The following ENG variants were observed in gnomAD, a reference collection of about 807,000 sequenced individuals.
ENG encodes endoglin.
ENG carries 17 observed loss-of-function variants against 71.0 expected under a neutral mutation model. The observed-to-expected ratio is 0.24, with a 90% CI of 0.16 to 0.36. The LOEUF (loss-of-function observed/expected upper bound fraction) is 0.36, where lower values mean the gene tolerates loss of function less well. Among genes scored for constraint, ENG ranks in the 10% least tolerant of loss-of-function variants. The probability of loss-of-function intolerance (pLI) is 1.00; values close to 1 mark genes in which losing one functional copy is unlikely to be tolerated. For missense variants in ENG, 749 were observed against 868.3 expected, an observed-to-expected ratio of 0.86 and a Z score of 1.73; for synonymous variants, 360 against 366.9, an observed-to-expected ratio of 0.98 and a Z score of 0.21.
chr9:127,830,340 TAAA>T (rs141738433), intron 2 of ENG, among the ~76,000 whole-genome samples: 115 of 66,852 alleles, frequency 1.7e-3, no homozygotes, highest in Admixed American at 2.8e-3. Flanking sequence ...AGACTCCATC[TAAA>T]AAAAAAAAAA....
intron 1 of ENG, among the ~76,000 whole-genome samples, chr9:127,847,636 G>C (rs1280840544): frequency 1.3e-5 from 2 of 152,100 alleles, no homozygotes; most frequent in African/African-American, 2.4e-5. Context: ...TTTTTGTAGA[G>C]ACGGGGTTTC....
At chr9:127,840,193 C>T (rs1830996822) in intron 2 of ENG, among the ~76,000 whole-genome samples, 1 of 152,236 alleles carries the variant, frequency 6.6e-6, no homozygotes, top group African/African-American at 2.4e-5. Flanking sequence ...AGCCACAGTT[C>T]AGCTGGAGGG....
rs1027345417 is a variant in ENG, at chr9:127,854,558, G to A, written c.-203C>T. On this transcript the variant is annotated 5_prime_UTR_variant, in exon 1 of 15. Transcript: ENST00000373203. ...CACAGGGACGCGGGGCTGGGCTGGA[G>A]TTGCTGTCCGAAGGATGGGCGGGGA... The A allele has an allele frequency of 6.9e-6, 4 of 583,174 alleles. No homozygotes were observed. Among genetic ancestry groups the A allele is most frequent in the Admixed American group, 3.1e-5 (1 of 32,188 alleles). 36.1% of individuals were successfully genotyped at this position (583,174 alleles called of 1,614,324 possible).
chr9:127,825,424 T>G (rs1318991623), intron 5 of ENG, 67 bp from the exon 6 acceptor site: 4 of 1,596,828 alleles, frequency 2.5e-6, no homozygotes, highest in Admixed American at 1.7e-5. Flanking sequence ...AGGCCTGGCG[T>G]CGGGTGGGCG....
intron 1 of ENG, among the ~76,000 whole-genome samples, chr9:127,848,110 G>A (rs576093427): frequency 3.5e-4 from 53 of 152,236 alleles, no homozygotes; most frequent in Non-Finnish European, 4.7e-4. Context: ...AATTACACCT[G>A]CACAGCGCTA....
chr9:127,825,959 G>A (rs555610642), intron 4 of ENG, 99 bp from the exon 5 acceptor site: 24 of 1,479,310 alleles, frequency 1.6e-5, no homozygotes, highest in Non-Finnish European at 2.2e-5. Context: ...GGGGCAGGCA[G>A]GACGGTGCTG....
intron 2 of ENG, among the ~76,000 whole-genome samples, chr9:127,839,711 A>T (rs553353184): frequency 8.5e-5 from 13 of 152,076 alleles, no homozygotes; most frequent in African/African-American, 2.9e-4. Flanking sequence ...ACCTGCCACC[A>T]CGCCTGGCTA....
chr9:127,852,719 G>A (rs1829059630), intron 1 of ENG, among the ~76,000 whole-genome samples: 1 of 152,190 alleles, frequency 6.6e-6, no homozygotes, highest in Non-Finnish European at 1.5e-5. Flanking sequence ...GTGCTACCGG[G>A]CACTGATTCC....
chr9:127,825,104 T>C (rs550618145), intron 6 of ENG, 127 bp downstream of exon 6: 1 of 1,590,270 alleles, frequency 6.3e-7, no homozygotes, highest in South Asian at 1.1e-5. Context: ...CCTGGCCCCT[T>C]CCCTCACGTA....
At chr9:127,842,966 C>T in intron 2 of ENG, 128 bp downstream of exon 2, 4 of 1,450,316 alleles carry the variant, frequency 2.8e-6, no homozygotes, top group Non-Finnish European at 3.8e-6. Flanking sequence ...CCACATCACT[C>T]TCTTGGCAGG....
In ENG at chr9:127,854,369, G is replaced by A. The variant is rs192447070; in HGVS notation, c.-14C>T. The A allele has an allele frequency of 7.0e-6, 11 of 1,578,778 alleles. No individual in the cohort carries two copies. The highest frequency in any genetic ancestry group is 1.7e-4 in the Middle Eastern group (1 of 5,964). ...GCCGCGGTCCATGCTGTCCACGTGGGGGCCTGTGCGCTGGGCCTTATCCTG... is the reference window on the plus strand; with the variant it reads ...GCCGCGGTCCATGCTGTCCACGTGGAGGCCTGTGCGCTGGGCCTTATCCTG... On this transcript the variant is annotated 5_prime_UTR_variant, in exon 1 of 15. Transcript: ENST00000373203.
chr9:127,818,012 C>T (rs1246525804), intron 12 of ENG, 108 bp downstream of exon 12: 4 of 1,571,516 alleles, frequency 2.5e-6, no homozygotes, highest in Non-Finnish European at 2.6e-6. Context: ...TAAGGCTCCG[C>T]CCCTCACCAG....
At chr9:127,849,533 T>C (rs1431928096) in intron 1 of ENG, among the ~76,000 whole-genome samples, 1 of 152,060 alleles carries the variant, frequency 6.6e-6, no homozygotes, top group African/African-American at 2.4e-5. Flanking sequence ...CGGGGGTGGA[T>C]AGGACATATT....
At chr9:127,835,250 C>T (rs958999791) in intron 2 of ENG, among the ~76,000 whole-genome samples, 10 of 152,172 alleles carry the variant, frequency 6.6e-5, no homozygotes, top group South Asian at 2.1e-4. Flanking sequence ...CCACCCACCT[C>T]GGCCTCCCAA....
chr9:127,850,304 G>A (rs567714119), intron 1 of ENG, among the ~76,000 whole-genome samples: 1 of 152,372 alleles, frequency 6.6e-6, no homozygotes, highest in Non-Finnish European at 1.5e-5. Context: ...AGGAGGAGCT[G>A]GCATTATGCC....
chr9:127,828,159 T>A (rs1170699635), intron 3 of ENG, among the ~76,000 whole-genome samples: 1 of 150,704 alleles, frequency 6.6e-6, no homozygotes, highest in African/African-American at 2.4e-5. Flanking sequence ...CAAGACACCC[T>A]AGAATGGCCC....
At chr9:127,820,076 G>A (rs374381711) in intron 8 of ENG, 39 bp from the exon 9 acceptor site, 2 of 1,605,512 alleles carry the variant, frequency 1.2e-6, no homozygotes, top group Non-Finnish European at 1.7e-6. Flanking sequence ...GAGGCACTGG[G>A]GTCTCTGTGG....
At position 127,846,830 on chromosome 9, in the gene ENG, T is replaced by C; in HGVS notation, c.68-3585A>G. ...AGGAGCCGCTGGGGGCCTGGGTGAC[T>C]GGAACCCCAAGTGAGAGACCCAGAA... On this transcript the variant is annotated intron_variant, in intron 1 of 14. Coordinates refer to ENST00000373203, the MANE Select transcript of ENG (RefSeq NM_001114753.3). The surrounding 1 kb of genome is among the most constrained non-coding windows in gnomAD (Gnocchi z 5.5). 1 of 982,066 alleles carries C rather than the reference T, an allele frequency of 1.0e-6. No individual in the cohort carries two copies. The highest frequency in any genetic ancestry group is 1.2e-6 in the Non-Finnish European group (1 of 826,888). 60.8% of individuals were successfully genotyped at this position (982,066 alleles called of 1,614,324 possible). A position where few individuals can be genotyped will look rare whatever the true frequency, so the allele number is the denominator to read the frequency against.
intron 8 of ENG, among the ~76,000 whole-genome samples, chr9:127,820,337 G>T (rs2131879743): frequency 6.6e-6 from 1 of 151,974 alleles, no homozygotes; most frequent in South Asian, 2.1e-4. Context: ...GGGATTACAG[G>T]CACGTGCCAC....
Sources: allele counts gnomAD v4.1 joint callset (sites outside exome capture counted in the v4.1 genomes callset), GRCh38; gene constraint gnomAD v4.1.1; non-coding constraint Gnocchi (gnomAD v3.1); transcripts MANE v1.5; gene names NCBI Gene and HGNC (gene_info 2026-07-23, HGNC 2026-07-21).